Variants in SAMD4A observed in about 807,000 individuals in gnomAD.
SAMD4A encodes the protein sterile alpha motif domain containing 4A.
SAMD4A carries 33 observed loss-of-function variants against 81.3 expected under a neutral mutation model. That is an observed-to-expected ratio of 0.41 (90% CI 0.31 to 0.54). The LOEUF (loss-of-function observed/expected upper bound fraction) is 0.54, where lower values mean the gene tolerates loss of function less well. Ranked by LOEUF, SAMD4A falls within the 20% of genes least tolerant of loss-of-function variation. SAMD4A has a pLI of 0.37. For missense variants in SAMD4A, 854 were observed against 951.1 expected, an observed-to-expected ratio of 0.90 and a Z score of 1.34; for synonymous variants, 389 against 382.1, an observed-to-expected ratio of 1.02 and a Z score of -0.21.
Position 54,752,980 on chromosome 14 carries a change from A to G in SAMD4A, c.1176+1443A>G, listed in dbSNP as rs138233636. 4.0e-3 allele frequency among the ~76,000 whole-genome samples: 605 copies of G among 152,396 alleles called. 4 individuals carry two copies. Among genetic ancestry groups the G allele is most frequent in the African/African-American group, 0.014 (587 of 41,596 alleles). ...TCAGTGGAGTAAAGAATAACAAGGC[A>G]GCATTGCTGCAAACCTGTCTTGCCT... On this transcript the variant is annotated intron_variant, in intron 6 of 12. Transcript: ENST00000554335.
intron 3 of SAMD4A, among the ~76,000 whole-genome samples, chr14:54,705,852 A>G (rs1302100497): frequency 6.6e-6 from 1 of 152,254 alleles, no homozygotes; most frequent in African/African-American, 2.4e-5. Flanking sequence ...TATCACAATT[A>G]AAAATTAAAT....
chr14:54,677,127 A>G (rs989636397), intron 2 of SAMD4A, among the ~76,000 whole-genome samples: 1 of 152,180 alleles, frequency 6.6e-6, no homozygotes, highest in African/African-American at 2.4e-5. Context: ...GAAAATCAGG[A>G]AAGGAGAAGG....
At chr14:54,636,243 C>T (rs979556683) in intron 2 of SAMD4A, among the ~76,000 whole-genome samples, 1 of 151,986 alleles carries the variant, frequency 6.6e-6, no homozygotes, top group Non-Finnish European at 1.5e-5. Flanking sequence ...GCACTGGGAA[C>T]GGCCATTACA....
intron 2 of SAMD4A, among the ~76,000 whole-genome samples, chr14:54,574,847 G>C (rs1035064829): frequency 1.3e-5 from 2 of 152,170 alleles, no homozygotes; most frequent in South Asian, 4.1e-4. Flanking sequence ...TTGGAATCTT[G>C]TACTGAAAAC....
At chr14:54,682,047 A>G (rs2036140188) in intron 2 of SAMD4A, 2 of 985,208 alleles carry the variant, frequency 2.0e-6, no homozygotes, top group Middle Eastern at 5.2e-4. Flanking sequence ...TATTATGAAC[A>G]TGTGCCTGAG....
At chr14:54,615,240 C>T (rs145098060) in intron 2 of SAMD4A, among the ~76,000 whole-genome samples, 97 of 152,324 alleles carry the variant, frequency 6.4e-4, no homozygotes, top group Non-Finnish European at 1.0e-3. Flanking sequence ...AATTCTCACA[C>T]AGCAAACCTC....
chr14:54,766,249 A>G (rs2038539758), intron 8 of SAMD4A, among the ~76,000 whole-genome samples: 1 of 152,194 alleles, frequency 6.6e-6, no homozygotes, highest in Non-Finnish European at 1.5e-5. Context: ...TTGGCCAGGA[A>G]AAAGCGACAA....
intron 2 of SAMD4A, among the ~76,000 whole-genome samples, chr14:54,594,521 A>G (rs996026052): frequency 1.3e-5 from 2 of 152,234 alleles, no homozygotes; most frequent in Non-Finnish European, 2.9e-5. Flanking sequence ...TCTCCTGGCT[A>G]GAAGTAAGAT....
rs113491666 is a variant in SAMD4A at position 54,626,059 on chromosome 14, T to TGCGC, written c.196+57961_196+57964dup. ...GTGTGTGTGTGTGTGTGTGTGTGTG[T>TGCGC]GCGCGCGCGCGCGCGCGAGTGCGCA... On this transcript the variant is annotated intron_variant, in intron 2 of 12. Transcript: ENST00000554335. 2.7e-3 allele frequency among the ~76,000 whole-genome samples: 279 copies of TGCGC among 102,104 alleles called. 1 individual carries two copies. The highest frequency in any genetic ancestry group is 0.01 in the Admixed American group (110 of 10,652). 67.0% of individuals were successfully genotyped at this position (102,104 alleles called of 152,430 possible). A position where few individuals can be genotyped will look rare whatever the true frequency, so the allele number is the denominator to read the frequency against.
chr14:54,788,836 G>T (rs561445277), intron 12 of SAMD4A, 80 bp from the exon 13 acceptor site: 27 of 1,570,278 alleles, frequency 1.7e-5, no homozygotes, highest in South Asian at 1.7e-4. Context: ...GAGGCCCACC[G>T]TGCATGGCGT....
At chr14:54,675,440 C>T (rs1401537914) in intron 2 of SAMD4A, among the ~76,000 whole-genome samples, 3 of 148,414 alleles carry the variant, frequency 2.0e-5, no homozygotes, top group African/African-American at 4.9e-5. Context: ...CAACAAGTCA[C>T]AGAACCTTTG....
chr14:54,603,394 G>C (rs1160559067), intron 2 of SAMD4A, among the ~76,000 whole-genome samples: 1 of 152,140 alleles, frequency 6.6e-6, no homozygotes, highest in Non-Finnish European at 1.5e-5. Flanking sequence ...TATGAATATG[G>C]ATTTTAACTC....
intron 11 of SAMD4A, 84 bp from the exon 12 acceptor site, chr14:54,784,452 AC>A (rs2039082527): frequency 6.2e-7 from 1 of 1,613,548 alleles, no homozygotes; most frequent in Non-Finnish European, 8.5e-7. Context: ...AGGGAGGTAC[AC>A]CAGACCTTTC....
chr14:54,724,432 A>G (rs577828074), intron 3 of SAMD4A, among the ~76,000 whole-genome samples: 24 of 152,298 alleles, frequency 1.6e-4, no homozygotes, highest in Middle Eastern at 6.8e-3. Context: ...TGCTTCAGAG[A>G]GCATTAAATG....
Position 54,737,158 on chromosome 14 carries a change from C to A in SAMD4A, c.850C>A (p.Leu284Ile), listed in dbSNP as rs138744574. ...CTTACGAGCTAGAGGACCCCAGTGCCTCCCATCCGATCATGCCCCCCTGTC... is the reference window on the plus strand; with the variant it reads ...CTTACGAGCTAGAGGACCCCAGTGCATCCCATCCGATCATGCCCCCCTGTC... ...EDLRARGPQC[L>I]PSDHAPLSPQ... Residue 284 changes from leucine to isoleucine, a missense_variant, in exon 4 of 13, where the codon CTC (leucine) becomes ATC (isoleucine). Leu to Ile is a conservative substitution (Grantham distance 5, BLOSUM62 2). Coordinates refer to ENST00000554335, the MANE Select transcript of SAMD4A (RefSeq NM_015589.6). 574 of 1,614,004 alleles carry A rather than the reference C, an allele frequency of 3.6e-4. 1 individual carries two copies. Among genetic ancestry groups the A allele is most frequent in the Non-Finnish European group, 4.5e-4 (536 of 1,180,034 alleles).
At chr14:54,566,638 C>A (rs1282422677), upstream of SAMD4A, among the ~76,000 whole-genome samples, 1 of 151,728 alleles carries the variant, frequency 6.6e-6, no homozygotes, top group African/African-American at 2.4e-5. Flanking sequence ...GCCGTCCCCT[C>A]GCGGGGCGTG....
At chr14:54,776,386 C>CAAGTTCCCCTTTTGCTTTTCT (rs1351932812) in intron 10 of SAMD4A, 28 bp from the exon 11 acceptor site, 3 of 1,581,096 alleles carry the variant, frequency 1.9e-6, no homozygotes, top group African/African-American at 1.4e-5. Context: ...GCTGAACTAA[C>CAAGTTCCCCTTTTGCTTTTCT]AAGTTCCCCT....
intron 2 of SAMD4A, among the ~76,000 whole-genome samples, chr14:54,700,440 A>G (rs4901530): frequency 0.31 from 46,949 of 152,064 alleles, 8,184 homozygotes; most frequent in East Asian, 0.53. Context: ...TCTTTCCCAT[A>G]GTCTTGAGAA....
intron 2 of SAMD4A, among the ~76,000 whole-genome samples, chr14:54,606,212 T>TGCGC (rs1555335584): frequency 6.7e-6 from 1 of 150,254 alleles, no homozygotes; most frequent in African/African-American, 2.4e-5. Flanking sequence ...TGTGTGTGTG[T>TGCGC]GCGTGCACGT....
Sources: gnomAD v4.1 joint callset for allele counts (sites outside exome capture counted in the v4.1 genomes callset) on GRCh38, gnomAD v4.1.1 for gene constraint, MANE v1.5 for transcripts, NCBI Gene and HGNC (gene_info 2026-07-23, HGNC 2026-07-21) for gene names.